CERS5: variants seen among roughly 807,000 people sequenced by gnomAD.
CERS5 encodes the protein ceramide synthase 5, also known as LAG1 homolog, ceramide synthase 5.
CERS5 carries 37 observed loss-of-function variants against 58.9 expected under a neutral mutation model. The observed-to-expected ratio is 0.63, with a 90% CI of 0.48 to 0.83. CERS5 has a LOEUF of 0.83. CERS5 is among the 40% of genes least tolerant of loss of function. CERS5 has a pLI of 0.00. For synonymous variants in CERS5, 147 were observed against 177.8 expected (o/e 0.83, Z 1.38); for missense variants, 398 against 489.3 (o/e 0.81, Z 1.76).
chr12:50,136,500 C>A (rs977403892), intron 6 of CERS5, among the ~76,000 whole-genome samples: 1 of 151,866 alleles, frequency 6.6e-6, no homozygotes, highest in Non-Finnish European at 1.5e-5. Context: ...TTCCATTCTG[C>A]TTAGACTCTC....
intron 3 of CERS5, among the ~76,000 whole-genome samples, chr12:50,142,464 C>T (rs112052855): frequency 0.026 from 3,840 of 149,948 alleles, 169 homozygotes; most frequent in African/African-American, 0.088. Flanking sequence ...GCAGGAGAAT[C>T]GCTTGGACAT....
intron 1 of CERS5, among the ~76,000 whole-genome samples, chr12:50,148,922 AAAAAAATAT>A (rs1230639783): frequency 5.2e-5 from 5 of 95,788 alleles, no homozygotes; most frequent in South Asian, 3.9e-4. Context: ...AAAAAAAAAA[AAAAAAATAT>A]ATATATATAT....
rs961151640 is a variant in CERS5 at position 50,153,887 on chromosome 12, G to C, written c.198-9830C>G. On this transcript the variant is annotated intron_variant, in intron 1 of 9. Coordinates refer to ENST00000317551, the MANE Select transcript of CERS5 (RefSeq NM_147190.5). ...GAGAATCATTTGAACCTGGGAGGCA[G>C]AGGTTGCAGTGAGCTGTGACTGCAC... 5 of 416,646 alleles carry C rather than the reference G, an allele frequency of 1.2e-5. No individual in the cohort carries two copies. The East Asian group carries it at 2.7e-4, about 23-fold the overall frequency. 25.8% of individuals were successfully genotyped at this position (416,646 alleles called of 1,614,324 possible). A position where few individuals can be genotyped will look rare whatever the true frequency, so the allele number is the denominator to read the frequency against.
intron 1 of CERS5, among the ~76,000 whole-genome samples, chr12:50,158,115 A>T (rs1938863886): frequency 6.6e-6 from 1 of 151,588 alleles, no homozygotes; most frequent in Non-Finnish European, 1.5e-5. Context: ...CAAGGAATGC[A>T]TGTAGATTGT....
chr12:50,134,763 C>G (rs965404081), intron 8 of CERS5, 61 bp from the exon 9 acceptor site: 3 of 1,510,562 alleles, frequency 2.0e-6, no homozygotes, highest in Non-Finnish European at 2.7e-6. Context: ...AGGGATGAAG[C>G]TGAGTCCTGG....
In CERS5 at chr12:50,142,037, G is replaced by A. The variant is rs774533440; in HGVS notation, c.492+16C>T. On this transcript the variant is annotated intron_variant, in intron 4 of 9. Coordinates refer to ENST00000317551, the MANE Select transcript of CERS5 (RefSeq NM_147190.5). ...GATTAGAACCCAACAGAGGACTAGAGAAAGTTAAGACTCACCGACCAGAGA... is the reference window on the plus strand; with the variant it reads ...GATTAGAACCCAACAGAGGACTAGAAAAAGTTAAGACTCACCGACCAGAGA... 2.6e-6 allele frequency: 4 copies of A among 1,509,470 alleles called. No individual in the cohort carries two copies. Among genetic ancestry groups the A allele is most frequent in the South Asian group, 2.3e-5 (2 of 88,448 alleles). The allele number at this position is 1,509,470 out of a possible 1,614,324, so 93.5% of individuals were successfully genotyped here. A position where few individuals can be genotyped will look rare whatever the true frequency, so the allele number is the denominator to read the frequency against.
At chr12:50,145,147 AAAAAAAAAAAGAAGAAGAAT>A (rs2138114429) in intron 1 of CERS5, 1 of 151,410 alleles carries the variant, frequency 6.6e-6, no homozygotes, top group East Asian at 1.9e-4. Flanking sequence ...CAAAAAAAAA[AAAAAAAAAAAGAAGAAGAAT>A]AAAAAATAAA....
At chr12:50,142,983 T>C in intron 3 of CERS5, 91 bp downstream of exon 3, 2 of 1,356,214 alleles carry the variant, frequency 1.5e-6, no homozygotes, top group East Asian at 2.4e-5. Context: ...ACTGTTGTCC[T>C]AACAACAGAA....
intron 1 of CERS5, among the ~76,000 whole-genome samples, chr12:50,149,429 A>G (rs547163600): frequency 3.3e-5 from 5 of 152,180 alleles, no homozygotes; most frequent in Non-Finnish European, 7.3e-5. Flanking sequence ...GCAGCAGTTG[A>G]CCTAAGCCTG....
In CERS5 at chr12:50,142,065, T is replaced by A; in HGVS notation, c.480A>T (p.Arg160Ser). 1 of 1,599,804 alleles carries A rather than the reference T, an allele frequency of 6.3e-7. No individual in the cohort carries two copies. Among genetic ancestry groups the A allele is most frequent in the Non-Finnish European group, 8.6e-7 (1 of 1,168,322 alleles). The change falls in exon 4 of 10, where the codon AGA becomes AGT. Residue 160 changes from arginine to serine, a missense_variant. Physicochemically the swap from Arg to Ser is moderately radical, Grantham distance 110. Transcript: ENST00000317551. ...AGTTAAGACTCACCGACCAGAGAAA[T>A]CTAATTCCATAGCAGAATATACATA... ...FYLCIFCYGI[R>S]FLWSSPWFWD...
chr12:50,161,711 A>AG (rs1939279570), intron 1 of CERS5, among the ~76,000 whole-genome samples: 1 of 142,536 alleles, frequency 7.0e-6, no homozygotes, highest in Non-Finnish European at 1.5e-5. Context: ...TGGGAAGCAG[A>AG]GGCTGCAATG....
chr12:50,158,535 A>C (rs1420794869), intron 1 of CERS5, among the ~76,000 whole-genome samples: 2 of 152,198 alleles, frequency 1.3e-5, no homozygotes, highest in African/African-American at 4.8e-5. Flanking sequence ...TTAATTCTCA[A>C]CTAAGAGGCA....
At chr12:50,153,479 C>T (rs1938212176) in intron 1 of CERS5, among the ~76,000 whole-genome samples, 1 of 151,350 alleles carries the variant, frequency 6.6e-6, no homozygotes, top group Non-Finnish European at 1.5e-5. Flanking sequence ...GGGGTTTCAC[C>T]ATGTTGGCCA....
rs568186280 is a variant in CERS5 at position 50,132,579 on chromosome 12, C to T, written c.1030-1885G>A. Among the ~76,000 whole-genome samples, 17 of 152,190 alleles carry T rather than the reference C, an allele frequency of 1.1e-4. No homozygotes were observed. In the East Asian group the frequency reaches 3.3e-3, roughly 29 times the overall value. On this transcript the variant is annotated intron_variant, in intron 9 of 9. Transcript: ENST00000317551. ...GGAACACAGCTGTAACAACTGTTGC[C>T]AAGGAGGTGGGCATTTGCTTTGGAT... is the stretch of plus-strand genomic sequence containing the variant.
At chr12:50,143,689 A>G (rs1952104135) in intron 2 of CERS5, 1 of 385,224 alleles carries the variant, frequency 2.6e-6, no homozygotes, top group African/African-American at 2.0e-5. Context: ...AAAACCAGAT[A>G]TGGTATGTGT....
rs779697663 is a variant in CERS5 at position 50,132,920 on chromosome 12, T to G, written c.1029+1626A>C. The stretch of plus-strand genomic sequence containing the variant: ...AGGAGGAAAGAGAACCACATTCAGA[T>G]GGACATGCCTCACTGAATACTAGAA... On this transcript the variant is annotated intron_variant, in intron 9 of 9. Coordinates refer to ENST00000317551, the MANE Select transcript of CERS5 (RefSeq NM_147190.5). The G allele has an allele frequency of 2.3e-6, 3 of 1,287,672 alleles. No individual in the cohort carries two copies. The South Asian group carries it at 3.7e-5, about 16-fold the overall frequency. The allele number at this position is 1,287,672 out of a possible 1,614,324, so 79.8% of individuals were successfully genotyped here.
chr12:50,133,476 A>G (rs993711499), intron 9 of CERS5: 4 of 992,722 alleles, frequency 4.0e-6, no homozygotes, highest in African/African-American at 1.7e-5. Flanking sequence ...TATATAAACC[A>G]TATCTTGAAT....
intron 1 of CERS5, among the ~76,000 whole-genome samples, chr12:50,161,784 GAAAAA>G (rs374177550): frequency 2.2e-5 from 2 of 90,862 alleles, no homozygotes; most frequent in Non-Finnish European, 3.9e-5. Context: ...CTCAAAAAAA[GAAAAA>G]AAAAAAAAAA....
At chr12:50,132,346 G>A (rs1276163210) in intron 9 of CERS5, among the ~76,000 whole-genome samples, 1 of 151,880 alleles carries the variant, frequency 6.6e-6, no homozygotes, top group African/African-American at 2.4e-5. Flanking sequence ...AGGTTGCAGT[G>A]AGCCAAGATC....
Sources: gnomAD v4.1 joint callset for allele counts (sites outside exome capture counted in the v4.1 genomes callset) on GRCh38, gnomAD v4.1.1 for gene constraint, MANE v1.5 for transcripts, NCBI Gene and HGNC (gene_info 2026-07-23, HGNC 2026-07-21) for gene names.